The following NCCRP1 variants were observed in gnomAD, a reference collection of about 807,000 sequenced individuals.
NCCRP1 encodes F-box only protein 50.
A neutral mutation model predicts 34.4 loss-of-function variants in NCCRP1; 32 were observed. That is an observed-to-expected ratio of 0.93 (90% CI 0.70 to 1.25). The LOEUF (loss-of-function observed/expected upper bound fraction) is 1.25, where lower values mean the gene tolerates loss of function less well. Among genes scored for constraint, NCCRP1 ranks in the 50% most tolerant of loss-of-function variants. The pLI is 0.00. For missense variants in NCCRP1, 372 were observed against 391.8 expected (o/e 0.95, Z 0.43); for synonymous variants, 172 against 180.1 (o/e 0.95, Z 0.36).
intron 1 of NCCRP1, 81 bp downstream of exon 1, chr19:39,197,400 A>G: frequency 8.6e-7 from 1 of 1,161,620 alleles, no homozygotes; most frequent in South Asian, 1.9e-5. Flanking sequence ...TTATCTCTCT[A>G]CCTCTTTGTC....
At chr19:39,197,922 C>T in intron 1 of NCCRP1, 131 bp from the exon 2 acceptor site, 1 of 1,017,748 alleles carries the variant, frequency 9.8e-7, no homozygotes, top group Non-Finnish European at 1.5e-6. Context: ...CTGACTCACT[C>T]ATCCCTGCCG....
Position 39,200,709 on chromosome 19 carries a change from C to A in NCCRP1, c.781C>A (p.Arg261=). The A allele has an allele frequency of 2.5e-6, 4 of 1,613,712 alleles. No individual in the cohort carries two copies. The highest frequency in any genetic ancestry group is 3.4e-6 in the Non-Finnish European group (4 of 1,179,998). Reference sequence around the variant, plus strand: ...CCGCATGGAGCCTGGTGGGCTGCGGCGGACACGGGTGACCGACTCCTCCGT... The same window carrying A: ...CCGCATGGAGCCTGGTGGGCTGCGGAGGACACGGGTGACCGACTCCTCCGT... ...KNRMEPGGLR[R]TRVTDSSVSV... is the part of the protein sequence containing the mutation. The change falls in exon 6 of 6, where the codon CGG becomes AGG. Residue 261 remains arginine, a synonymous_variant. Transcript: ENST00000339852. This position sits in a 1 kb window ranked among gnomAD's most constrained non-coding sequence, Gnocchi z 5.8.
intron 2 of NCCRP1, 41 bp from the exon 3 acceptor site, chr19:39,198,161 C>T: frequency 6.2e-7 from 1 of 1,614,166 alleles, no homozygotes; most frequent in Admixed American, 1.7e-5. Context: ...GAGGGTCCTC[C>T]AGCGTTGGGG....
rs749048848 is a variant in NCCRP1 at position 39,200,663 on chromosome 19, C to T, written c.735C>T (p.His245=). The T allele has an allele frequency of 2.9e-5, 47 of 1,614,058 alleles. No homozygotes were observed. The highest frequency in any genetic ancestry group is 4.0e-5 in the Non-Finnish European group (47 of 1,180,048). Residue 245 remains histidine, a synonymous_variant, in exon 6 of 6, where the codon CAC becomes CAT. Transcript: ENST00000339852. The surrounding 1 kb of genome is among the most constrained non-coding windows in gnomAD (Gnocchi z 5.8). The stretch of plus-strand genomic sequence containing the variant: ...ATGGTCCCGGTGTGCGCTTTATCCA[C>T]TTCCTGCACAAGGCCAAGAACCGCA... The part of the protein sequence containing the change: ...RHYGPGVRFI[H]FLHKAKNRME...
chr19:39,197,115 C>T lies in NCCRP1; in HGVS notation c.133C>T (p.Pro45Ser). ...PPSPPPLPSP[P>S]SLPSPAAPEA... ...GTCGCCGCCACCACTGCCCTCGCCGCCGTCGCTGCCATCGCCCGCAGCCCC... is the reference window on the plus strand; with the variant it reads ...GTCGCCGCCACCACTGCCCTCGCCGTCGTCGCTGCCATCGCCCGCAGCCCC... Residue 45 changes from proline (P) to serine (S), a missense_variant, in exon 1 of 6, where the codon CCG (proline) becomes TCG (serine). Transcript: ENST00000339852. 2 of 1,520,360 alleles carry T rather than the reference C, an allele frequency of 1.3e-6. No individual in the cohort carries two copies. The highest frequency in any genetic ancestry group is 1.8e-6 in the Non-Finnish European group (2 of 1,141,112). 94.2% of individuals were successfully genotyped at this position (1,520,360 alleles called of 1,614,324 possible).
Position 39,199,078 on chromosome 19 carries a change from A to G in NCCRP1, c.453-92A>G, listed in dbSNP as rs558708247. Reference sequence around the variant, plus strand: ...GGAGCACCCCACGTGTGGGGACCCAAGCTATCCCTAAGAAAGCACTAAGAC... The same window carrying G: ...GGAGCACCCCACGTGTGGGGACCCAGGCTATCCCTAAGAAAGCACTAAGAC... On this transcript the variant is annotated intron_variant, in intron 3 of 5. Coordinates refer to ENST00000339852, the MANE Select transcript of NCCRP1 (RefSeq NM_001001414.2). The G allele has an allele frequency of 4.1e-5, 50 of 1,228,934 alleles. No homozygotes were observed. In the African/African-American group the frequency reaches 6.9e-4, roughly 17 times the overall value. 76.1% of individuals were successfully genotyped at this position (1,228,934 alleles called of 1,614,324 possible).
chr19:39,199,375 G>C, intron 4 of NCCRP1, 110 bp downstream of exon 4: 1 of 924,046 alleles, frequency 1.1e-6, no homozygotes, highest in Non-Finnish European at 1.7e-6. Context: ...AGACCCTCCT[G>C]GTGCTACAGG....
intron 3 of NCCRP1, 104 bp downstream of exon 3, chr19:39,198,357 C>G (rs1466358333): frequency 6.1e-5 from 76 of 1,236,796 alleles, no homozygotes; most frequent in South Asian, 9.8e-5. Context: ...CCTCCATTTC[C>G]TGCTCTGTAA....
At chr19:39,197,931 C>A in intron 1 of NCCRP1, 122 bp from the exon 2 acceptor site, 1 of 1,149,678 alleles carries the variant, frequency 8.7e-7, no homozygotes, top group Non-Finnish European at 1.3e-6. Context: ...TCATCCCTGC[C>A]GGGCTTCCCT....
chr19:39,199,204 G>A lies in NCCRP1; in HGVS notation c.487G>A (p.Ala163Thr). The A allele has an allele frequency of 6.2e-7, 1 of 1,614,080 alleles. No individual in the cohort carries two copies. Residue 163 changes from alanine to threonine, a missense_variant, in exon 4 of 6, where the codon GCC becomes ACC. Ala to Thr is a moderately conservative substitution (Grantham distance 58). Coordinates refer to ENST00000339852, the MANE Select transcript of NCCRP1 (RefSeq NM_001001414.2). ...TVKQQCVDLL[A>T]EGLWEELLDD... ...GAAGCAGCAGTGTGTGGACCTTCTGGCCGAGGGCCTGTGGGAGGAGCTGCT... is the reference window on the plus strand; with the variant it reads ...GAAGCAGCAGTGTGTGGACCTTCTGACCGAGGGCCTGTGGGAGGAGCTGCT...
In NCCRP1 at chr19:39,200,824, C is replaced by T. The variant is rs2074785575; in HGVS notation, c.*68C>T. 6.6e-7 allele frequency: 1 copy of T among 1,521,874 alleles called. No individual in the cohort carries two copies. The highest frequency in any genetic ancestry group is 2.3e-5 in the East Asian group (1 of 44,304). The allele number at this position is 1,521,874 out of a possible 1,614,324, so 94.3% of individuals were successfully genotyped here. The stretch of plus-strand genomic sequence containing the variant: ...CTTTAGGAGCCCCAACTCTTAGTCA[C>T]CTCCTAGGCCTCTTATTTCTCCCTG... On this transcript the variant is annotated 3_prime_UTR_variant, in exon 6 of 6. Coordinates refer to ENST00000339852, the MANE Select transcript of NCCRP1 (RefSeq NM_001001414.2). This position sits in a 1 kb window ranked among gnomAD's most constrained non-coding sequence, Gnocchi z 5.8.
At chr19:39,199,367 A>G in intron 4 of NCCRP1, 102 bp downstream of exon 4, 1 of 1,033,426 alleles carries the variant, frequency 9.7e-7, no homozygotes, top group South Asian at 1.4e-5. Context: ...CTTCACCAAG[A>G]CCCTCCTGGT....
Position 39,197,051 on chromosome 19 carries a change from G to C in NCCRP1, c.69G>C (p.Gln23His), listed in dbSNP as rs1252518343. 2.6e-6 allele frequency: 4 copies of C among 1,532,322 alleles called. No homozygotes were observed. The highest frequency in any genetic ancestry group is 3.9e-5 in the Admixed American group (2 of 50,922). 94.9% of individuals were successfully genotyped at this position (1,532,322 alleles called of 1,614,324 possible). The stretch of plus-strand genomic sequence containing the variant: ...AAGCCGATGGGCCCGCGAGCCTCCA[G>C]GAGCTGCCTCCCTCGCCACGGTCGC... ...GMEADGPASL[Q>H]ELPPSPRSPS... is the part of the protein sequence containing the mutation. The change falls in exon 1 of 6, where the codon CAG becomes CAC. Residue 23 changes from glutamine to histidine, a missense_variant. By Grantham distance (24) the Gln-to-His change is conservative. Transcript: ENST00000339852.
rs1166746166 is a variant in NCCRP1 at position 39,198,247 on chromosome 19, A to G, written c.446A>G (p.Asn149Ser). The stretch of plus-strand genomic sequence containing the variant: ...ATTAGAACTGAAAAGCTCCAGCAGA[A>G]CCAAAGGTGAGTCGCCAGGGCCAGT... ...WYIRTEKLQQNQSWTVKQQCV... is the reference protein window; with the variant it reads ...WYIRTEKLQQSQSWTVKQQCV... Residue 149 changes from asparagine (N) to serine (S), a missense_variant, in exon 3 of 6, where the codon AAC (asparagine) becomes AGC (serine). By Grantham distance (46) the Asn-to-Ser change is conservative (BLOSUM62 1). Transcript: ENST00000339852. 6.2e-7 allele frequency: 1 copy of G among 1,614,138 alleles called. No individual in the cohort carries two copies. Among genetic ancestry groups the G allele is most frequent in the East Asian group, 2.2e-5 (1 of 44,874 alleles).
At position 39,198,070 on chromosome 19, in the gene NCCRP1, C is replaced by T. The variant is rs145929148; in HGVS notation, c.355C>T (p.Pro119Ser). The change falls in exon 2 of 6, where the codon CCA becomes TCA. Residue 119 changes from proline to serine, a missense_variant. Transcript: ENST00000339852. ...CATTTCAGGCATCAACATTTATGAG[C>T]CAGCACCCCCTACTGGTCCCACCCA... ...PNPEGINIYE[P>S]APPTGPTQRP... 1.6e-4 allele frequency: 262 copies of T among 1,613,944 alleles called. No individual in the cohort carries two copies. The Middle Eastern group carries it at 2.2e-3, about 14-fold the overall frequency.
At position 39,197,256 on chromosome 19, in the gene NCCRP1, T is replaced by C. The variant is rs759361762; in HGVS notation, c.274T>C (p.Trp92Arg). 1 of 1,493,864 alleles carries C rather than the reference T, an allele frequency of 6.7e-7. No individual in the cohort carries two copies. Among genetic ancestry groups the C allele is most frequent in the South Asian group, 1.3e-5 (1 of 78,222 alleles). The allele number at this position is 1,493,864 out of a possible 1,614,324, so 92.5% of individuals were successfully genotyped here. A position where few individuals can be genotyped will look rare whatever the true frequency, so the allele number is the denominator to read the frequency against. The change falls in exon 1 of 6, where the codon TGG becomes CGG. Residue 92 changes from tryptophan to arginine, a missense_variant. Coordinates refer to ENST00000339852, the MANE Select transcript of NCCRP1 (RefSeq NM_001001414.2). ...GGLELPQRLT[W>R]KLLLLRRPLY... ...CCTGGAGCTGCCCCAGCGCCTCACC[T>C]GGAAGCTGCTCCTGTTGCGGCGGCC...
At chr19:39,199,772 C>G (rs2074780063) in intron 4 of NCCRP1, among the ~76,000 whole-genome samples, 1 of 152,014 alleles carries the variant, frequency 6.6e-6, no homozygotes, top group East Asian at 1.9e-4. Flanking sequence ...CTTGGCCTCC[C>G]AAAGTGCTGG....
chr19:39,201,487 T>C lies in NCCRP1; in HGVS notation c.*731T>C, dbSNP rs1568542978. ...CACCTCCCCCGACTAATTTTTATAT[T>C]TTTAGTAGAGACGGGATTTCGCCAT... On this transcript the variant is annotated 3_prime_UTR_variant, in exon 6 of 6. Coordinates refer to ENST00000339852, the MANE Select transcript of NCCRP1 (RefSeq NM_001001414.2). 6.6e-6 allele frequency: 1 copy of C among 152,126 alleles called. No homozygotes were observed. The highest frequency in any genetic ancestry group is 1.5e-5 in the Non-Finnish European group (1 of 68,036). 9.4% of individuals were successfully genotyped at this position (152,126 alleles called of 1,614,324 possible).
chr19:39,198,551 C>T (rs965997459), intron 3 of NCCRP1, among the ~76,000 whole-genome samples: 2 of 152,156 alleles, frequency 1.3e-5, no homozygotes, highest in African/African-American at 4.8e-5. Context: ...CCTCTGCCTC[C>T]CAGGTTCATG....
Sources: gnomAD v4.1 joint callset for allele counts (sites outside exome capture counted in the v4.1 genomes callset) on GRCh38, gnomAD v4.1.1 for gene constraint, Gnocchi (gnomAD v3.1) non-coding constraint, MANE v1.5 for transcripts, NCBI Gene and HGNC (gene_info 2026-07-23, HGNC 2026-07-21) for gene names.